Variants in WIPI2 observed in about 807,000 individuals in gnomAD.
WIPI2 encodes WD repeat domain, phosphoinositide interacting 2.
Under a neutral mutation model 52.3 loss-of-function variants are expected in WIPI2, and 28 were observed. The ratio of observed to expected loss-of-function variants is 0.54; its 90% confidence interval spans 0.40 to 0.73. The LOEUF (loss-of-function observed/expected upper bound fraction) is 0.73. Ranked by LOEUF, WIPI2 falls within the 30% of genes least tolerant of loss-of-function variation. The pLI is 0.00. For missense variants in WIPI2, 506 were observed against 602.9 expected (o/e 0.84, Z 1.68); for synonymous variants, 268 against 245.0 (o/e 1.09, Z -0.88).
chr7:5,229,226 A>G (rs894585366), intron 11 of WIPI2, among the ~76,000 whole-genome samples: 1 of 152,028 alleles, frequency 6.6e-6, no homozygotes, highest in African/African-American at 2.4e-5. Flanking sequence ...TGTGTTAGCC[A>G]GGATGGTCTC....
intron 3 of WIPI2, 51 bp downstream of exon 3, chr7:5,199,709 T>C: frequency 7.3e-7 from 1 of 1,378,146 alleles, no homozygotes; most frequent in East Asian, 2.3e-5. Context: ...AAAAAAGTTG[T>C]ACTTGAATTG....
chr7:5,202,643 C>T (rs1177849714), intron 3 of WIPI2, among the ~76,000 whole-genome samples: 1 of 151,312 alleles, frequency 6.6e-6, no homozygotes, highest in Non-Finnish European at 1.5e-5. Flanking sequence ...ACCTCAGCCT[C>T]CCAAAGTGCT....
intron 2 of WIPI2, among the ~76,000 whole-genome samples, chr7:5,196,820 C>G (rs1049038489): frequency 1.4e-4 from 21 of 151,868 alleles, no homozygotes; most frequent in Admixed American, 3.3e-4. Context: ...TTTATAAACT[C>G]AGTGCTACAG....
intron 2 of WIPI2, among the ~76,000 whole-genome samples, chr7:5,198,787 T>G (rs1781875588): frequency 6.6e-6 from 1 of 152,222 alleles, no homozygotes; most frequent in African/African-American, 2.4e-5. Flanking sequence ...TCCCTCCACT[T>G]TATTGTGGTG....
chr7:5,218,037 G>A, intron 7 of WIPI2, 23 bp downstream of exon 7: 3 of 1,612,612 alleles, frequency 1.9e-6, no homozygotes, highest in Non-Finnish European at 2.5e-6. Context: ...TTCCCCGGGG[G>A]AGCACTGGTG....
At chr7:5,202,269 A>G (rs534468260) in intron 3 of WIPI2, among the ~76,000 whole-genome samples, 1 of 152,332 alleles carries the variant, frequency 6.6e-6, no homozygotes, top group Admixed American at 6.5e-5. Flanking sequence ...ACACACACAC[A>G]AAAGCTTGGT....
rs1783317089 is a variant in WIPI2, at chr7:5,224,395, T to C, written c.741-1428T>C. Among the ~76,000 whole-genome samples the C allele has an allele frequency of 2.0e-5, 3 of 152,192 alleles. 1 individual carries two copies. Among genetic ancestry groups the C allele is most frequent in the Admixed American group, 2.0e-4 (3 of 15,284 alleles). ...ATTCCTTTGCCTGTGGCAAATGGAA[T>C]ATTTGGGTGACCGCCCAAGGGGTTC... On this transcript the variant is annotated intron_variant, in intron 8 of 12. Coordinates refer to ENST00000288828, the MANE Select transcript of WIPI2 (RefSeq NM_015610.4).
chr7:5,196,703 T>C (rs1440232563), intron 2 of WIPI2, among the ~76,000 whole-genome samples: 1 of 152,156 alleles, frequency 6.6e-6, no homozygotes, highest in African/African-American at 2.4e-5. Context: ...CTTGGTGATT[T>C]GGTTTCCAAG....
chr7:5,190,623 G>A lies in WIPI2; in HGVS notation c.74+130G>A. ...CCCGCGGGCCAAGGCGCGCAGAGGC[G>A]TCCCCAGGGGCGGGCCCGGGGCGTG... On this transcript the variant is annotated intron_variant, in intron 1 of 12. Coordinates refer to ENST00000288828, the MANE Select transcript of WIPI2 (RefSeq NM_015610.4). 5.4e-6 allele frequency: 5 copies of A among 929,586 alleles called. No homozygotes were observed. The South Asian group carries it at 1.2e-4, about 22-fold the overall frequency. 57.6% of individuals were successfully genotyped at this position (929,586 alleles called of 1,614,324 possible).
Position 5,191,543 on chromosome 7 carries a change from G to A in WIPI2, c.74+1050G>A, listed in dbSNP as rs533805306. ...ATTCGGAACGCTGTTTGTCCCCACTGATACGGGTTGGATGCTGCCTGGGAG... is the reference window on the plus strand; with the variant it reads ...ATTCGGAACGCTGTTTGTCCCCACTAATACGGGTTGGATGCTGCCTGGGAG... On this transcript the variant is annotated intron_variant, in intron 1 of 12. Coordinates refer to ENST00000288828, the MANE Select transcript of WIPI2 (RefSeq NM_015610.4). Among the ~76,000 whole-genome samples, 30 of 152,280 alleles carry A rather than the reference G, an allele frequency of 2.0e-4. No homozygotes were observed. The South Asian group carries it at 5.4e-3, about 27-fold the overall frequency.
At chr7:5,194,607 CA>C (rs1185275044) in intron 2 of WIPI2, among the ~76,000 whole-genome samples, 1 of 152,072 alleles carries the variant, frequency 6.6e-6, no homozygotes, top group African/African-American at 2.4e-5. Flanking sequence ...AGTAAAATGT[CA>C]AAAATATACA....
At chr7:5,211,015 G>T (rs1318595230) in intron 3 of WIPI2, among the ~76,000 whole-genome samples, 3 of 152,202 alleles carry the variant, frequency 2.0e-5, no homozygotes, top group African/African-American at 7.2e-5. Flanking sequence ...CACTGTGCCA[G>T]GGCCAACAGT....
In WIPI2 at chr7:5,217,072, T is replaced by C. The variant is rs749042648; in HGVS notation, c.479-18T>C. On this transcript the variant is annotated intron_variant, in intron 5 of 12. Coordinates refer to ENST00000288828, the MANE Select transcript of WIPI2 (RefSeq NM_015610.4). ...TCAGGTGGAAGTTTGCATCTCGTCC[T>C]CCGTGTGTCATTTGCAGGCCTGTGT... 1 of 1,600,908 alleles carries C rather than the reference T, an allele frequency of 6.2e-7. No individual in the cohort carries two copies. The highest frequency in any genetic ancestry group is 2.2e-5 in the East Asian group (1 of 44,470).
In WIPI2 at chr7:5,222,210, A is replaced by G. The variant is rs540020556; in HGVS notation, c.670-392A>G. Among the ~76,000 whole-genome samples the G allele has an allele frequency of 2.8e-4, 43 of 152,248 alleles. No homozygotes were observed. The East Asian group carries it at 7.9e-3, about 28-fold the overall frequency. On this transcript the variant is annotated intron_variant, in intron 7 of 12. Transcript: ENST00000288828. The stretch of plus-strand genomic sequence containing the variant: ...ATGATCTGCCCGCCTCGGCCTCCCA[A>G]AGTTCTGGGATTACAGGCGTGAGCC...
Position 5,231,074 on chromosome 7 carries a change from A to T in WIPI2, c.*127A>T. On this transcript the variant is annotated 3_prime_UTR_variant, in exon 13 of 13. Transcript: ENST00000288828. ...TGGCAGAGACTTTATTAAAAAAAAA[A>T]AAAGATTGTAGTGGTAGTCTAACTC... is the stretch of plus-strand genomic sequence containing the variant. 4 of 657,356 alleles carry T rather than the reference A, an allele frequency of 6.1e-6. No individual in the cohort carries two copies. In the South Asian group the frequency reaches 1.2e-4, roughly 20 times the overall value. 40.7% of individuals were successfully genotyped at this position (657,356 alleles called of 1,614,324 possible). A position where few individuals can be genotyped will look rare whatever the true frequency, so the allele number is the denominator to read the frequency against.
At chr7:5,213,737 G>GTGCAGTGGTGGCTGGAA (rs1163444195) in intron 3 of WIPI2, among the ~76,000 whole-genome samples, 1 of 152,180 alleles carries the variant, frequency 6.6e-6, no homozygotes, top group Admixed American at 6.5e-5. Flanking sequence ...CCAGGCTGGA[G>GTGCAGTGGTGGCTGGAA]TGCAGTGGCG....
At chr7:5,201,950 T>C (rs1782048275) in intron 3 of WIPI2, among the ~76,000 whole-genome samples, 1 of 152,128 alleles carries the variant, frequency 6.6e-6, no homozygotes, top group Admixed American at 6.6e-5. Flanking sequence ...TTTCACACTT[T>C]TTTTTTTTAG....
chr7:5,191,143 C>A (rs959025178), intron 1 of WIPI2, among the ~76,000 whole-genome samples: 1 of 152,080 alleles, frequency 6.6e-6, no homozygotes, highest in African/African-American at 2.4e-5. Flanking sequence ...CCTCAGCCTC[C>A]CGAGTAGCTG....
Position 5,232,217 on chromosome 7 carries a change from C to G in WIPI2, c.*1270C>G. ...AAGGGAAAAGGCAAAAACTATTTAC[C>G]CTGCCTTTGCAGGCTGGGGTTTTTG... On this transcript the variant is annotated 3_prime_UTR_variant, in exon 13 of 13. Transcript: ENST00000288828. The G allele has an allele frequency of 2.5e-6, 1 of 398,652 alleles. No homozygotes were observed. Among genetic ancestry groups the G allele is most frequent in the Non-Finnish European group, 4.4e-6 (1 of 226,066 alleles). 24.7% of individuals were successfully genotyped at this position (398,652 alleles called of 1,614,324 possible).
Sources: allele counts gnomAD v4.1 joint callset (sites outside exome capture counted in the v4.1 genomes callset), GRCh38; gene constraint gnomAD v4.1.1; transcripts MANE v1.5; gene names NCBI Gene and HGNC (gene_info 2026-07-23, HGNC 2026-07-21).